ANXA8: variants seen among roughly 807,000 people sequenced by gnomAD.
ANXA8 encodes VAC-beta.
ANXA8 carries 9 observed loss-of-function variants against 26.8 expected under a neutral mutation model. The ratio of observed to expected loss-of-function variants is 0.34; its 90% CI spans 0.20 to 0.59. The LOEUF (loss-of-function observed/expected upper bound fraction) is 0.59. ANXA8 is among the 20% of genes least tolerant of loss of function. The probability of loss-of-function intolerance (pLI) is 0.84; values close to 1 mark genes in which losing one functional copy is unlikely to be tolerated. For synonymous variants in ANXA8, 39 were observed against 94.8 expected (o/e 0.41, Z 3.42); for missense variants, 83 against 238.5 (o/e 0.35, Z 4.29).
At chr10:47,632,455 TG>T in the ANXA8 span, among the ~76,000 whole-genome samples, 10 of 147,874 alleles carry the variant, frequency 6.8e-5, no homozygotes, top group African/African-American at 2.4e-4. Flanking sequence ...TTAGAAAAAT[TG>T]TAAAGTATTT....
At chr10:47,632,002 C>T in the ANXA8 span, among the ~76,000 whole-genome samples, 1 of 152,154 alleles carries the variant, frequency 6.6e-6, no homozygotes, top group Admixed American at 6.5e-5. Flanking sequence ...GCTTGCACTG[C>T]TTAAAGATTA....
At chr10:47,556,314 A>G in the ANXA8 span, among the ~76,000 whole-genome samples, 1 of 151,964 alleles carries the variant, frequency 6.6e-6, no homozygotes, top group African/African-American at 2.4e-5. Context: ...TAGACTTGTA[A>G]GTAATTTACA....
chr10:47,762,319 G>A, the ANXA8 span, among the ~76,000 whole-genome samples: 1 of 149,980 alleles, frequency 6.7e-6, no homozygotes, highest in Non-Finnish European at 1.5e-5. Context: ...TCAGACGCTG[G>A]GTTCCAACCG....
chr10:47,663,224 G>A, the ANXA8 span, among the ~76,000 whole-genome samples: 1 of 148,412 alleles, frequency 6.7e-6, no homozygotes, highest in Non-Finnish European at 1.5e-5. Context: ...CGCGTTAATT[G>A]TGTTGGGTGG....
chr10:47,587,263 A>G, the ANXA8 span, among the ~76,000 whole-genome samples: 1 of 149,042 alleles, frequency 6.7e-6, no homozygotes, highest in Admixed American at 6.6e-5. Flanking sequence ...GAGTTATTCC[A>G]TTGTGTGTTT....
the ANXA8 span, among the ~76,000 whole-genome samples, chr10:47,682,648 T>C: frequency 1.3e-5 from 2 of 151,690 alleles, no homozygotes; most frequent in South Asian, 4.2e-4. Context: ...TTTTTGTGTT[T>C]TTAGTAGAGA....
the ANXA8 span, among the ~76,000 whole-genome samples, chr10:47,988,797 T>C: frequency 6.6e-6 from 1 of 151,814 alleles, no homozygotes; most frequent in East Asian, 1.9e-4. Flanking sequence ...GCTCGCTGGC[T>C]ACTAGGCTCT....
At chr10:47,704,985 C>G in the ANXA8 span, among the ~76,000 whole-genome samples, 416 of 152,166 alleles carry the variant, frequency 2.7e-3, no homozygotes, top group South Asian at 0.013. Flanking sequence ...CGTAAGATTT[C>G]AAGGGCGCAG....
chr10:47,896,965 C>T, the ANXA8 span, among the ~76,000 whole-genome samples: 1 of 145,226 alleles, frequency 6.9e-6, no homozygotes, highest in African/African-American at 2.6e-5. Flanking sequence ...AAATCTCTCT[C>T]TGGCGCCCAG....
the ANXA8 span, among the ~76,000 whole-genome samples, chr10:47,516,271 C>G: frequency 1.2e-5 from 1 of 83,038 alleles, no homozygotes; most frequent in African/African-American, 5.1e-5. Flanking sequence ...TGAAAAGATC[C>G]CCAACAAGCT....
chr10:47,748,522 T>C, the ANXA8 span, among the ~76,000 whole-genome samples: 8 of 152,128 alleles, frequency 5.3e-5, no homozygotes, highest in Admixed American at 4.6e-4. Context: ...CCAGGCACAC[T>C]ATACTTAAAC....
the ANXA8 span, among the ~76,000 whole-genome samples, chr10:47,952,404 A>G: frequency 6.6e-6 from 1 of 150,456 alleles, no homozygotes; most frequent in African/African-American, 2.5e-5. Flanking sequence ...AAATAAGCGA[A>G]TTTAGCAAGG....
At chr10:47,636,498 T>C in the ANXA8 span, among the ~76,000 whole-genome samples, 1 of 145,418 alleles carries the variant, frequency 6.9e-6, no homozygotes, top group Non-Finnish European at 1.5e-5. Context: ...TCCTGTTTAG[T>C]TTTAAATCAT....
chr10:47,546,292 T>C, the ANXA8 span, among the ~76,000 whole-genome samples: 1 of 137,086 alleles, frequency 7.3e-6, no homozygotes, highest in Non-Finnish European at 1.6e-5. Context: ...TATAACTCAA[T>C]TGCTCAGAAA....
the ANXA8 span, among the ~76,000 whole-genome samples, chr10:47,526,393 C>T: frequency 1.2e-4 from 17 of 136,882 alleles, 3 homozygotes; most frequent in Admixed American, 2.2e-4. Flanking sequence ...GCGTGAGCCA[C>T]CACTCCCAAA....
chr10:47,645,025 A>G, the ANXA8 span, among the ~76,000 whole-genome samples: 2 of 151,946 alleles, frequency 1.3e-5, no homozygotes, highest in South Asian at 4.1e-4. Flanking sequence ...CATTTAATGT[A>G]TTATTAGAGG....
the ANXA8 span, among the ~76,000 whole-genome samples, chr10:47,974,048 T>C: frequency 0.022 from 3,267 of 150,684 alleles, 77 homozygotes; most frequent in African/African-American, 0.075. Context: ...ATTTTCTAAT[T>C]TGTGTGCATA....
chr10:47,573,182 C>T, the ANXA8 span, among the ~76,000 whole-genome samples: 2 of 148,064 alleles, frequency 1.4e-5, no homozygotes, highest in African/African-American at 2.5e-5. Context: ...CGGGGTTTCA[C>T]CACGTTGGCC....
At chr10:47,745,376 T>TA in the ANXA8 span, among the ~76,000 whole-genome samples, 1 of 149,180 alleles carries the variant, frequency 6.7e-6, no homozygotes, top group Non-Finnish European at 1.5e-5. Context: ...CTGATAGTCT[T>TA]ATGAGCAGGA....
Sources: gnomAD v4.1 joint callset for allele counts (sites outside exome capture counted in the v4.1 genomes callset) on GRCh38, gnomAD v4.1.1 for gene constraint, MANE v1.5 for transcripts, NCBI Gene and HGNC (gene_info 2026-07-23, HGNC 2026-07-21) for gene names.